The following PCLO variants were observed in gnomAD, a reference collection of about 807,000 sequenced individuals.
PCLO encodes the protein protein piccolo.
In PCLO, 82 loss-of-function variants were observed where a neutral mutation model predicts 427.5. The observed-to-expected ratio is 0.19, with a 90% CI of 0.16 to 0.23. PCLO has a LOEUF of 0.23. PCLO is among the 10% of genes least tolerant of loss of function. The pLI is 1.00. For synonymous variants in PCLO, 2,357 were observed against 2,155.4 expected (o/e 1.09, Z -2.59); for missense variants, 6,239 against 6,115.9 (o/e 1.02, Z -0.67).
chr7:82,873,407 A>G (rs948503079), intron 10 of PCLO, among the ~76,000 whole-genome samples: 2 of 152,026 alleles, frequency 1.3e-5, no homozygotes, highest in Non-Finnish European at 2.9e-5. Context: ...GGAATAAGCT[A>G]TGTGAGTCTT....
At chr7:83,007,363 T>C (rs773643181) in intron 3 of PCLO, among the ~76,000 whole-genome samples, 6 of 151,534 alleles carry the variant, frequency 4.0e-5, no homozygotes, top group Non-Finnish European at 8.9e-5. Context: ...GGTGAATACA[T>C]TGTTGTGTAA....
At chr7:83,158,680 CAG>C (rs1001763072) in intron 1 of PCLO, among the ~76,000 whole-genome samples, 2 of 151,784 alleles carry the variant, frequency 1.3e-5, no homozygotes, top group Non-Finnish European at 2.9e-5. Context: ...TAATCAGAAA[CAG>C]AATTGAAAGC....
chr7:83,089,605 G>A (rs1790327545), intron 3 of PCLO, among the ~76,000 whole-genome samples: 1 of 152,086 alleles, frequency 6.6e-6, no homozygotes, highest in East Asian at 1.9e-4. Context: ...ACAATACCCA[G>A]TATTTATCAA....
In PCLO at chr7:83,142,169, G is replaced by A. The variant is rs76701353; in HGVS notation, c.1894-6513C>T. On this transcript the variant is annotated intron_variant, in intron 2 of 24. Coordinates refer to ENST00000333891, the MANE Select transcript of PCLO (RefSeq NM_033026.6). ...ATGATCTCTGCTCAATTACATAGCC[G>A]TAGTACTTGGAATAATGAAACATCA... is the stretch of plus-strand genomic sequence containing the variant. 1.4e-4 allele frequency among the ~76,000 whole-genome samples: 22 copies of A among 152,050 alleles called. 1 individual carries two copies. The East Asian group carries it at 2.7e-3, about 19-fold the overall frequency.
intron 4 of PCLO, among the ~76,000 whole-genome samples, chr7:82,963,471 C>T (rs1795697991): frequency 6.6e-6 from 1 of 151,784 alleles, no homozygotes; most frequent in Non-Finnish European, 1.5e-5. Context: ...AAAAAGGTAG[C>T]AATACATAGT....
intron 7 of PCLO, among the ~76,000 whole-genome samples, chr7:82,913,612 C>A (rs1794375899): frequency 6.6e-6 from 1 of 151,986 alleles, no homozygotes; most frequent in Admixed American, 6.6e-5. Context: ...CTAGGCTCTT[C>A]ACACCTTTGT....
chr7:82,894,837 T>A (rs1461719193), intron 9 of PCLO, among the ~76,000 whole-genome samples: 2 of 151,990 alleles, frequency 1.3e-5, no homozygotes, highest in Admixed American at 6.6e-5. Context: ...AATTGGGACA[T>A]CCATAAATAG....
chr7:82,756,206 T>A lies in PCLO; in HGVS notation c.*2369A>T, dbSNP rs1466620337. 6.6e-6 allele frequency: 1 copy of A among 152,110 alleles called. No homozygotes were observed. The highest frequency in any genetic ancestry group is 1.5e-5 in the Non-Finnish European group (1 of 68,014). The allele number at this position is 152,110 out of a possible 1,614,324, so 9.4% of individuals were successfully genotyped here. A position where few individuals can be genotyped will look rare whatever the true frequency, so the allele number is the denominator to read the frequency against. ...GGATCAGAGATGAGTCAGGGTTTTC[T>A]TTTAAGGGCAAATACCAGAGCCTTT... On this transcript the variant is annotated 3_prime_UTR_variant, in exon 25 of 25. Coordinates refer to ENST00000333891, the MANE Select transcript of PCLO (RefSeq NM_033026.6).
intron 2 of PCLO, among the ~76,000 whole-genome samples, chr7:83,150,766 C>T (rs1792108892): frequency 6.6e-6 from 1 of 151,940 alleles, no homozygotes; most frequent in Admixed American, 6.6e-5. Flanking sequence ...TCTATTTCAC[C>T]CATACATTAC....
chr7:82,770,973 G>C (rs1010478899), intron 22 of PCLO, among the ~76,000 whole-genome samples: 2 of 151,806 alleles, frequency 1.3e-5, no homozygotes, highest in Non-Finnish European at 2.9e-5. Flanking sequence ...TACTTCTACA[G>C]AACATTTTAT....
Position 82,952,898 on chromosome 7 carries a change from T to C in PCLO, c.8055A>G (p.Thr2685=). ...SKTEVSATRS[T]APSVGLSSIS... ...TGCTGCTGAGACCAACACTAGGAGC[T>C]GTACTTCTGGTTGCTGAAACCTCAG... Residue 2685 remains threonine, a synonymous_variant, in exon 5 of 25, where the codon ACA becomes ACG. Coordinates refer to ENST00000333891, the MANE Select transcript of PCLO (RefSeq NM_033026.6). The C allele has an allele frequency of 6.2e-7, 1 of 1,613,968 alleles. No homozygotes were observed. The highest frequency in any genetic ancestry group is 8.5e-7 in the Non-Finnish European group (1 of 1,179,856).
intron 9 of PCLO, 102 bp from the exon 10 acceptor site, chr7:82,879,564 T>C (rs1371321612): frequency 8.1e-6 from 6 of 744,412 alleles, no homozygotes; most frequent in Non-Finnish European, 1.1e-5. Flanking sequence ...ATCCAGAAGC[T>C]AAATATAACA....
At chr7:83,110,427 A>C (rs960432353) in intron 3 of PCLO, among the ~76,000 whole-genome samples, 6 of 152,006 alleles carry the variant, frequency 3.9e-5, no homozygotes, top group Admixed American at 2.6e-4. Flanking sequence ...TCTTGTTTTC[A>C]AAATGCCCTC....
intron 3 of PCLO, among the ~76,000 whole-genome samples, chr7:83,113,504 C>G (rs1345201033): frequency 6.6e-6 from 1 of 152,084 alleles, no homozygotes; most frequent in African/African-American, 2.4e-5. Flanking sequence ...ATGGGCATAA[C>G]AGGAAAAAGC....
chr7:82,884,783 G>T (rs1270344925), intron 9 of PCLO, among the ~76,000 whole-genome samples: 1 of 151,938 alleles, frequency 6.6e-6, no homozygotes, highest in African/African-American at 2.4e-5. Context: ...CGTGGGGTGA[G>T]GTCATTCACT....
intron 3 of PCLO, among the ~76,000 whole-genome samples, chr7:83,123,565 G>C (rs1336405694): frequency 6.6e-6 from 1 of 152,076 alleles, no homozygotes; most frequent in Non-Finnish European, 1.5e-5. Context: ...ATTGGTCTGG[G>C]CAAAGATTTC....
chr7:83,147,348 T>C (rs1278570440), intron 2 of PCLO, among the ~76,000 whole-genome samples: 1 of 152,212 alleles, frequency 6.6e-6, no homozygotes, highest in African/African-American at 2.4e-5. Flanking sequence ...TTGTTATAAT[T>C]AGGATATTCT....
At position 83,151,239 on chromosome 7, in the gene PCLO, T is replaced by C. The variant is rs559818931; in HGVS notation, c.1893+3509A>G. Among the ~76,000 whole-genome samples the C allele has an allele frequency of 3.0e-4, 45 of 152,342 alleles. 1 individual carries two copies. In the South Asian group the frequency reaches 9.1e-3, roughly 31 times the overall value. ...GAAAGTTAAAATGAAACGATATCAC[T>C]AATACTGTTGATCGAATGTCTTTAG... On this transcript the variant is annotated intron_variant, in intron 2 of 24. Coordinates refer to ENST00000333891, the MANE Select transcript of PCLO (RefSeq NM_033026.6).
rs770134749 is a variant in PCLO, at chr7:83,135,228, T to C, written c.2322A>G (p.Thr774=). 2 of 1,613,936 alleles carry C rather than the reference T, an allele frequency of 1.2e-6. No homozygotes were observed. The highest frequency in any genetic ancestry group is 1.7e-6 in the Non-Finnish European group (2 of 1,179,886). The change falls in exon 3 of 25, where the codon ACA becomes ACG. Residue 774 remains threonine, a synonymous_variant. Coordinates refer to ENST00000333891, the MANE Select transcript of PCLO (RefSeq NM_033026.6). ...CTTTGGAGCTTGGAATATCAGGTTT[T>C]GTTGTTGCTGATGATGAAGATACAA... is the stretch of plus-strand genomic sequence containing the variant. ...TDLVSSSSAT[T]KPDIPSSKVQ...
Sources: gnomAD v4.1 joint callset for allele counts (sites outside exome capture counted in the v4.1 genomes callset) on GRCh38, gnomAD v4.1.1 for gene constraint, MANE v1.5 for transcripts, NCBI Gene and HGNC (gene_info 2026-07-23, HGNC 2026-07-21) for gene names.